PRLR: variants seen among roughly 807,000 people sequenced by gnomAD.
The protein encoded by PRLR is hPRL receptor.
Under a neutral mutation model 40.2 loss-of-function variants are expected in PRLR, and 13 were observed. That is an observed-to-expected ratio of 0.32 (90% CI 0.21 to 0.51). The LOEUF (loss-of-function observed/expected upper bound fraction) is 0.51. Among genes scored for constraint, PRLR ranks in the 20% least tolerant of loss-of-function variants. The pLI is 0.97. For synonymous variants in PRLR, 269 were observed against 278.7 expected (o/e 0.97, Z 0.35); for missense variants, 656 against 747.3 (o/e 0.88, Z 1.42).
intron 1 of PRLR, among the ~76,000 whole-genome samples, chr5:35,221,957 C>G (rs1360900354): frequency 6.6e-6 from 1 of 152,222 alleles, no homozygotes; most frequent in African/African-American, 2.4e-5. Flanking sequence ...CACCCCTAGT[C>G]TCACCGTGGG....
intron 5 of PRLR, among the ~76,000 whole-genome samples, chr5:35,077,319 C>A (rs1309453441): frequency 6.6e-6 from 1 of 152,074 alleles, no homozygotes; most frequent in Non-Finnish European, 1.5e-5. Context: ...TGCAGAGACA[C>A]ACATAGGCTC....
chr5:35,169,693 C>T (rs1465106240), intron 1 of PRLR, among the ~76,000 whole-genome samples: 1 of 152,178 alleles, frequency 6.6e-6, no homozygotes, highest in East Asian at 1.9e-4. Context: ...ATTGATTTAC[C>T]AACACCCACG....
At chr5:35,144,743 C>T (rs1403230566) in intron 1 of PRLR, among the ~76,000 whole-genome samples, 4 of 152,040 alleles carry the variant, frequency 2.6e-5, no homozygotes, top group African/African-American at 9.7e-5. Flanking sequence ...CAATTACAGG[C>T]ATGGGCCACC....
chr5:35,174,242 G>A (rs192097615), intron 1 of PRLR, among the ~76,000 whole-genome samples: 28 of 152,152 alleles, frequency 1.8e-4, no homozygotes, highest in African/African-American at 4.3e-4. Context: ...GGCGTAGGCC[G>A]CCACGCCCGG....
intron 1 of PRLR, among the ~76,000 whole-genome samples, chr5:35,208,169 ACGCGCG>A (rs5867273): frequency 7.0e-6 from 1 of 143,468 alleles, no homozygotes; most frequent in Admixed American, 6.9e-5. Flanking sequence ...TCACACACCC[ACGCGCG>A]CGCACACACA....
chr5:35,099,231 A>G (rs1007771660), intron 2 of PRLR, among the ~76,000 whole-genome samples: 1 of 152,210 alleles, frequency 6.6e-6, no homozygotes, highest in African/African-American at 2.4e-5. Flanking sequence ...AACACACAGT[A>G]ACGCACTGAA....
intron 1 of PRLR, among the ~76,000 whole-genome samples, chr5:35,139,431 TCAA>T (rs1416939168): frequency 1.3e-5 from 2 of 152,136 alleles, no homozygotes; most frequent in Non-Finnish European, 2.9e-5. Context: ...CCTACAATTT[TCAA>T]CAAGTGCTAA....
intron 1 of PRLR, among the ~76,000 whole-genome samples, chr5:35,204,739 G>GA (rs1415847275): frequency 6.6e-6 from 1 of 152,118 alleles, no homozygotes; most frequent in East Asian, 1.9e-4. Context: ...AGCAGTAGAA[G>GA]AAAGACCTTA....
intron 2 of PRLR, among the ~76,000 whole-genome samples, chr5:35,099,044 T>C (rs1771700317): frequency 6.6e-6 from 1 of 152,206 alleles, no homozygotes; most frequent in Non-Finnish European, 1.5e-5. Context: ...ATTCCTGCTT[T>C]CCCTACCCTC....
chr5:35,098,873 C>T (rs1189335943), intron 2 of PRLR, among the ~76,000 whole-genome samples: 2 of 152,146 alleles, frequency 1.3e-5, no homozygotes, highest in African/African-American at 4.8e-5. Flanking sequence ...TTCAACCCCT[C>T]ACTTTAACAC....
intron 3 of PRLR, among the ~76,000 whole-genome samples, chr5:35,087,389 CT>C (rs939184822): frequency 1.3e-5 from 2 of 148,366 alleles, no homozygotes; most frequent in South Asian, 2.1e-4. Flanking sequence ...GTTTTTAGTC[CT>C]TTTTTTTCTC....
At chr5:35,079,480 C>T (rs1245835164) in intron 5 of PRLR, among the ~76,000 whole-genome samples, 1 of 152,044 alleles carries the variant, frequency 6.6e-6, no homozygotes, top group African/African-American at 2.4e-5. Context: ...GAATAAAATA[C>T]CTAGGAACCC....
rs1053034121 is a variant in PRLR at position 35,058,000 on chromosome 5, G to A, written c.*7089C>T. On this transcript the variant is annotated 3_prime_UTR_variant, in exon 10 of 10. Transcript: ENST00000618457. ...GAAAAAATCTGCACTCTATGGTTTT[G>A]TTGGTTTTTCATATGATGACTTACT... 1.3e-5 allele frequency: 2 copies of A among 152,042 alleles called. No individual in the cohort carries two copies. Among genetic ancestry groups the A allele is most frequent in the African/African-American group, 4.8e-5 (2 of 41,418 alleles). The allele number at this position is 152,042 out of a possible 1,614,324, so 9.4% of individuals were successfully genotyped here.
chr5:35,094,598 G>A (rs1771419487), intron 2 of PRLR, among the ~76,000 whole-genome samples: 1 of 152,064 alleles, frequency 6.6e-6, no homozygotes, highest in Non-Finnish European at 1.5e-5. Flanking sequence ...AATTTCAAGT[G>A]CTTTTTTTGT....
chr5:35,215,556 A>C (rs544471057), intron 1 of PRLR, among the ~76,000 whole-genome samples: 1 of 152,204 alleles, frequency 6.6e-6, no homozygotes, highest in African/African-American at 2.4e-5. Context: ...CTCATTGTAC[A>C]GATGAAAAAG....
At chr5:35,146,947 C>CCACACACACACATACA (rs1774200351) in intron 1 of PRLR, among the ~76,000 whole-genome samples, 1 of 151,752 alleles carries the variant, frequency 6.6e-6, no homozygotes, top group East Asian at 1.9e-4. Context: ...ACCCACTTCA[C>CCACACACACACATACA]CACACACACA....
rs573520876 is a variant in PRLR, at chr5:35,214,025, G to C, written c.-106+16243C>G. ...CCTCAGCACATTTCCAGCCTTCCCCGTTGTGCCTCTTGCTAATGGTGCTGA... is the reference window on the plus strand; with the variant it reads ...CCTCAGCACATTTCCAGCCTTCCCCCTTGTGCCTCTTGCTAATGGTGCTGA... On this transcript the variant is annotated intron_variant, in intron 1 of 9. Transcript: ENST00000618457. Among the ~76,000 whole-genome samples, 112 of 152,234 alleles carry C rather than the reference G, an allele frequency of 7.4e-4. 1 individual carries two copies. Among genetic ancestry groups the C allele is most frequent in the African/African-American group, 2.6e-3 (108 of 41,540 alleles).
intron 1 of PRLR, among the ~76,000 whole-genome samples, chr5:35,178,039 G>T (rs368868698): frequency 2.0e-5 from 3 of 150,904 alleles, no homozygotes; most frequent in African/African-American, 7.3e-5. Flanking sequence ...ACTCATTGTC[G>T]TTCTGATTTG....
intron 2 of PRLR, among the ~76,000 whole-genome samples, chr5:35,094,525 G>A (rs1771412469): frequency 6.6e-6 from 1 of 152,090 alleles, no homozygotes; most frequent in African/African-American, 2.4e-5. Flanking sequence ...GAATGGCAGG[G>A]AAGCCCTGTG....
Sources: allele counts gnomAD v4.1 joint callset (sites outside exome capture counted in the v4.1 genomes callset), GRCh38; gene constraint gnomAD v4.1.1; transcripts MANE v1.5; gene names NCBI Gene and HGNC (gene_info 2026-07-23, HGNC 2026-07-21).